ATP11B: variants seen among roughly 807,000 people sequenced by gnomAD.
ATP11B encodes the protein phospholipid-transporting ATPase IF.
In ATP11B, 81 loss-of-function variants were observed where a neutral mutation model predicts 157.8. The ratio of observed to expected loss-of-function variants is 0.51; its 90% confidence interval spans 0.43 to 0.62. ATP11B has a LOEUF of 0.62. ATP11B is among the 20% of genes least tolerant of loss of function. The pLI, the probability that ATP11B is intolerant of heterozygous loss-of-function variation, is 0.00. For missense variants in ATP11B, 1,165 were observed against 1,402.2 expected (o/e 0.83, Z 2.70); for synonymous variants, 451 against 469.4 (o/e 0.96, Z 0.51).
chr3:182,862,230 A>G (rs973478808), intron 12 of ATP11B, among the ~76,000 whole-genome samples: 13 of 124,794 alleles, frequency 1.0e-4, no homozygotes, highest in Non-Finnish European at 2.5e-4. Context: ...CAGTGAGCCC[A>G]GATTGTGCCA....
intron 1 of ATP11B, among the ~76,000 whole-genome samples, chr3:182,818,792 G>A (rs536069704): frequency 2.2e-4 from 33 of 151,928 alleles, no homozygotes; most frequent in African/African-American, 7.7e-4. Context: ...TTACGTAGTA[G>A]GTTACTAAAT....
intron 28 of ATP11B, among the ~76,000 whole-genome samples, chr3:182,901,515 A>G (rs1723967672): frequency 1.3e-5 from 2 of 152,220 alleles, no homozygotes; most frequent in South Asian, 4.1e-4. Context: ...TTCAATGAGC[A>G]TTTTCTTTGA....
chr3:182,849,121 A>G (rs985207548), intron 10 of ATP11B, among the ~76,000 whole-genome samples: 1 of 152,242 alleles, frequency 6.6e-6, no homozygotes, highest in Admixed American at 6.5e-5. Flanking sequence ...TCTGTAAGCA[A>G]TGAGATGTAA....
At chr3:182,834,947 T>C (rs1718432786) in intron 4 of ATP11B, among the ~76,000 whole-genome samples, 1 of 152,232 alleles carries the variant, frequency 6.6e-6, no homozygotes, top group Admixed American at 6.5e-5. Flanking sequence ...ATGTATTATA[T>C]ACTGTATTCT....
chr3:182,899,009 C>CT (rs1041329605), intron 28 of ATP11B, among the ~76,000 whole-genome samples: 7 of 151,544 alleles, frequency 4.6e-5, no homozygotes, highest in Middle Eastern at 3.4e-3. Context: ...GTTAATAAAA[C>CT]TTTATGTTTT....
Position 182,859,367 on chromosome 3 carries a change from T to C in ATP11B, c.1200+8T>C. ...AATGAAGAGCTTGGACAGGTGAAAA[T>C]GATCCTAATATTTTGTTTCTCTAAT... On this transcript the variant is annotated splice_region_variant and intron_variant, in intron 12 of 29. Coordinates refer to ENST00000323116, the MANE Select transcript of ATP11B (RefSeq NM_014616.3). 1.3e-6 allele frequency: 2 copies of C among 1,556,242 alleles called. No individual in the cohort carries two copies. The highest frequency in any genetic ancestry group is 1.7e-6 in the Non-Finnish European group (2 of 1,150,704).
At position 182,851,589 on chromosome 3, in the gene ATP11B, C is replaced by T. The variant is rs188844242; in HGVS notation, c.851+3032C>T. Among the ~76,000 whole-genome samples, 10 of 152,276 alleles carry T rather than the reference C, an allele frequency of 6.6e-5. No homozygotes were observed. In the East Asian group the frequency reaches 1.9e-3, roughly 29 times the overall value. ...TTTACATGAAATAATACAATAGCAT[C>T]TATAAATTACAATAAGGTAAAGATG... On this transcript the variant is annotated intron_variant, in intron 10 of 29. Transcript: ENST00000323116.
intron 1 of ATP11B, among the ~76,000 whole-genome samples, chr3:182,807,766 T>A (rs928100762): frequency 6.6e-6 from 1 of 152,174 alleles, no homozygotes; most frequent in East Asian, 1.9e-4. Context: ...TAGTCAAAAT[T>A]GTACTTATTC....
At chr3:182,826,023 A>T (rs1164356121) in intron 2 of ATP11B, among the ~76,000 whole-genome samples, 2 of 152,242 alleles carry the variant, frequency 1.3e-5, no homozygotes, top group Non-Finnish European at 2.9e-5. Flanking sequence ...TACACTTCTA[A>T]TTCATTTGTC....
chr3:182,917,104 C>G (rs1725190183), intron 29 of ATP11B: 1 of 985,148 alleles, frequency 1.0e-6, no homozygotes, highest in African/African-American at 1.7e-5. Flanking sequence ...CTTAGCATCT[C>G]TGGGAAAGAG....
chr3:182,878,027 A>G (rs492310), intron 19 of ATP11B, among the ~76,000 whole-genome samples: 103,256 of 152,088 alleles, frequency 0.68, 36,058 homozygotes, highest in Non-Finnish European at 0.78. Context: ...GGCTGAAGAC[A>G]TTGGAGGCAG....
At chr3:182,859,948 CTTT>C (rs5854959) in intron 12 of ATP11B, among the ~76,000 whole-genome samples, 10 of 144,252 alleles carry the variant, frequency 6.9e-5, no homozygotes, top group Non-Finnish European at 7.6e-5. Context: ...CCCTGCCTTC[CTTT>C]TTTTTTTTTT....
At chr3:182,914,161 TTGGGG>T (rs1244751970) in intron 29 of ATP11B, 167 bp downstream of exon 29, 1 of 1,432,548 alleles carries the variant, frequency 7.0e-7, no homozygotes, top group Non-Finnish European at 9.1e-7. Flanking sequence ...CTTTGTGGCT[TTGGGG>T]TAAGGGCTTT....
At chr3:182,887,216 G>A (rs1560114494) in intron 23 of ATP11B, among the ~76,000 whole-genome samples, 1 of 152,200 alleles carries the variant, frequency 6.6e-6, no homozygotes, top group East Asian at 1.9e-4. Context: ...AGCCATGAAA[G>A]GTAAACTGTA....
At chr3:182,847,089 T>C (rs1719591898) in intron 9 of ATP11B, among the ~76,000 whole-genome samples, 1 of 151,170 alleles carries the variant, frequency 6.6e-6, no homozygotes, top group South Asian at 2.1e-4. Flanking sequence ...GTTACTCTGT[T>C]GCCCAGGCTG....
At chr3:182,902,459 T>C (rs1391804321) in intron 28 of ATP11B, 5 of 1,277,620 alleles carry the variant, frequency 3.9e-6, no homozygotes, top group African/African-American at 1.5e-5. Context: ...TGTGTGTCCA[T>C]CCCTTTTCTG....
chr3:182,795,775 A>C (rs932115935), intron 1 of ATP11B, among the ~76,000 whole-genome samples: 1 of 152,250 alleles, frequency 6.6e-6, no homozygotes, highest in African/African-American at 2.4e-5. Flanking sequence ...TTGCTATCCC[A>C]GTCATAGACA....
chr3:182,807,782 A>G (rs1716413224), intron 1 of ATP11B, among the ~76,000 whole-genome samples: 1 of 152,086 alleles, frequency 6.6e-6, no homozygotes, highest in Admixed American at 6.5e-5. Flanking sequence ...TATTCTACAT[A>G]TTTTACTTTT....
chr3:182,841,999 A>G, intron 7 of ATP11B, 76 bp from the exon 8 acceptor site: 1 of 954,770 alleles, frequency 1.0e-6, no homozygotes, highest in Middle Eastern at 3.0e-4. Flanking sequence ...AAAAAAAAAC[A>G]AAGGATGGTG....
Sources: gnomAD v4.1 joint callset for allele counts (sites outside exome capture counted in the v4.1 genomes callset) on GRCh38, gnomAD v4.1.1 for gene constraint, MANE v1.5 for transcripts, NCBI Gene and HGNC (gene_info 2026-07-23, HGNC 2026-07-21) for gene names.